Variants in DLG4 observed in about 807,000 individuals in gnomAD.
DLG4 encodes the protein disks large homolog 4.
Under a neutral mutation model 93.8 loss-of-function variants are expected in DLG4, and 7 were observed. That is an observed-to-expected ratio of 0.07 (90% CI 0.04 to 0.14). DLG4 has a LOEUF of 0.14. DLG4 is among the 10% of genes least tolerant of loss of function. The pLI is 1.00. For synonymous variants in DLG4, 341 were observed against 387.6 expected (o/e 0.88, Z 1.41); for missense variants, 545 against 992.9 (o/e 0.55, Z 6.06).
At chr17:7,207,525 G>T (rs1014497797) in intron 2 of DLG4, among the ~76,000 whole-genome samples, 1 of 152,054 alleles carries the variant, frequency 6.6e-6, no homozygotes, top group Admixed American at 6.5e-5. Flanking sequence ...GCCCAGAGGC[G>T]GAGGTAGGGG....
At position 7,191,858 on chromosome 17, in the gene DLG4, G is replaced by A; in HGVS notation, c.1976+35C>T. ...TGAGGCCCAGGGCCACAGGTGTTGG[G>A]GGAGCAAAGGGGAGGCCCCCAGGAC... On this transcript the variant is annotated intron_variant, in intron 18 of 19. Coordinates refer to ENST00000399506, the MANE Select transcript of DLG4 (RefSeq NM_001321075.3). This position sits in a 1 kb window ranked among gnomAD's most constrained non-coding sequence, Gnocchi z 6.6. 7.2e-7 allele frequency: 1 copy of A among 1,379,770 alleles called. No individual in the cohort carries two copies. The highest frequency in any genetic ancestry group is 9.6e-7 in the Non-Finnish European group (1 of 1,038,630). 85.5% of individuals were successfully genotyped at this position (1,379,770 alleles called of 1,614,324 possible).
intron 1 of DLG4, 42 bp downstream of exon 1, chr17:7,217,076 T>G: frequency 7.9e-7 from 1 of 1,267,446 alleles, no homozygotes; most frequent in South Asian, 3.5e-5. Flanking sequence ...CCCCACAAAC[T>G]CATACCCTCC....
At chr17:7,199,229 C>T (rs1427860344) in intron 8 of DLG4, among the ~76,000 whole-genome samples, 1 of 151,662 alleles carries the variant, frequency 6.6e-6, no homozygotes, top group Non-Finnish European at 1.5e-5. Flanking sequence ...GATGGAGTTT[C>T]ACTCTTGTCG....
rs765504973 is a variant in DLG4, at chr17:7,194,024, G to C, written c.1479-24C>G. The C allele has an allele frequency of 6.2e-7, 1 of 1,612,048 alleles. No homozygotes were observed. Among genetic ancestry groups the C allele is most frequent in the Non-Finnish European group, 8.5e-7 (1 of 1,179,192 alleles). On this transcript the variant is annotated intron_variant, in intron 12 of 19. Transcript: ENST00000399506. This position sits in a 1 kb window ranked among gnomAD's most constrained non-coding sequence, Gnocchi z 4.4. ...CCCTGTGGGATACATGGAGGGATAC[G>C]CGGGTAGGGGAATGCCTACCCCCTG...
At chr17:7,209,848 C>G (rs889439672) in intron 1 of DLG4, among the ~76,000 whole-genome samples, 1 of 152,162 alleles carries the variant, frequency 6.6e-6, no homozygotes, top group Non-Finnish European at 1.5e-5. Context: ...CAGAGACCAG[C>G]CTGGCCAACA....
At chr17:7,190,961 C>CAA in intron 19 of DLG4, 147 bp from the exon 20 acceptor site, 1 of 540,596 alleles carries the variant, frequency 1.8e-6, no homozygotes, top group Non-Finnish European at 3.1e-6. Flanking sequence ...ACAGGGGCAC[C>CAA]TCTTTTTTTT....
At chr17:7,218,515 G>C, upstream of DLG4, 3 of 1,548,916 alleles carry the variant, frequency 1.9e-6, no homozygotes, top group Non-Finnish European at 2.6e-6. Context: ...TGGAGGCCCA[G>C]GTCCCTCAGA....
rs1441206929 is a variant in DLG4, at chr17:7,187,840, G to A, written c.*2868C>T. 6.6e-5 allele frequency among the ~76,000 whole-genome samples: 10 copies of A among 152,046 alleles called. No individual in the cohort carries two copies. The highest frequency in any genetic ancestry group is 8.8e-5 in the Non-Finnish European group (6 of 68,002). On this transcript the variant is annotated 3_prime_UTR_variant, in exon 20 of 20. Coordinates refer to ENST00000399506, the MANE Select transcript of DLG4 (RefSeq NM_001321075.3). ...TCCCAGCACTTTGGGAGGCCAAGGCGGGCAGATCACCTGAGGTCAAGAGTT... is the reference window on the plus strand; with the variant it reads ...TCCCAGCACTTTGGGAGGCCAAGGCAGGCAGATCACCTGAGGTCAAGAGTT...
intron 2 of DLG4, chr17:7,204,892 A>T (rs2070376221): frequency 1.0e-6 from 1 of 954,506 alleles, no homozygotes; most frequent in Non-Finnish European, 1.2e-6. Context: ...TCCTCTAAGG[A>T]CCGTGTTGCC....
chr17:7,199,366 A>G (rs1379153983), intron 8 of DLG4, among the ~76,000 whole-genome samples: 5 of 151,796 alleles, frequency 3.3e-5, no homozygotes, highest in African/African-American at 1.2e-4. Flanking sequence ...CGCCTGGCTA[A>G]TTTTTTGTAT....
Position 7,191,219 on chromosome 17 carries a change from C to T in DLG4, c.2068+48G>A, listed in dbSNP as rs751812938. The T allele has an allele frequency of 1.1e-5, 18 of 1,585,228 alleles. No individual in the cohort carries two copies. The highest frequency in any genetic ancestry group is 8.9e-5 in the East Asian group (4 of 44,714). On this transcript the variant is annotated intron_variant, in intron 19 of 19. Coordinates refer to ENST00000399506, the MANE Select transcript of DLG4 (RefSeq NM_001321075.3). This position sits in a 1 kb window ranked among gnomAD's most constrained non-coding sequence, Gnocchi z 6.6. ...GGTGGCGGGGGAGCTCTTTCTAATC[C>T]GAGCAAGGGCACCCTACATGCTGGC...
chr17:7,194,570 G>A lies in DLG4; in HGVS notation c.1302-75C>T, dbSNP rs1484876182. Reference sequence around the variant, plus strand: ...GGATGCCCCAGTCACCCAAAGACCCGGCCCAGAGGTCTGCAGATGGCACTC... The same window carrying A: ...GGATGCCCCAGTCACCCAAAGACCCAGCCCAGAGGTCTGCAGATGGCACTC... On this transcript the variant is annotated intron_variant, in intron 11 of 19. Coordinates refer to ENST00000399506, the MANE Select transcript of DLG4 (RefSeq NM_001321075.3). The surrounding 1 kb of genome is among the most constrained non-coding windows in gnomAD (Gnocchi z 4.4). 4.0e-6 allele frequency: 6 copies of A among 1,490,590 alleles called. No homozygotes were observed. In the East Asian group the frequency reaches 7.4e-5, roughly 18 times the overall value. The allele number at this position is 1,490,590 out of a possible 1,614,324, so 92.3% of individuals were successfully genotyped here. A position where few individuals can be genotyped will look rare whatever the true frequency, so the allele number is the denominator to read the frequency against.
intron 19 of DLG4, 42 bp from the exon 20 acceptor site, chr17:7,190,856 C>T: frequency 1.3e-6 from 2 of 1,552,940 alleles, no homozygotes; most frequent in Non-Finnish European, 1.8e-6. Flanking sequence ...AAGGAAGGGC[C>T]AGAGGACACC....
At chr17:7,202,651 G>A in intron 8 of DLG4, 1 of 532,446 alleles carries the variant, frequency 1.9e-6, no homozygotes. Context: ...TATTCCTTGA[G>A]AATTTCACAA....
At chr17:7,213,102 T>C (rs1190438863) in intron 1 of DLG4, among the ~76,000 whole-genome samples, 22 of 143,096 alleles carry the variant, frequency 1.5e-4, no homozygotes, top group African/African-American at 5.4e-4. Flanking sequence ...TTTCTTTTTT[T>C]TTTTTTTTTT....
chr17:7,197,117 C>T, intron 8 of DLG4, 65 bp from the exon 9 acceptor site: 1 of 1,472,478 alleles, frequency 6.8e-7, no homozygotes, highest in South Asian at 1.4e-5. Context: ...CCAACCTTCT[C>T]CCCAGGGTGC....
upstream of DLG4, chr17:7,217,935 G>A: frequency 5.2e-6 from 5 of 964,210 alleles, no homozygotes; most frequent in South Asian, 7.6e-5. Flanking sequence ...GTGTGAGGGA[G>A]GAGCTGAAGG....
Position 7,203,623 on chromosome 17 carries a change from G to T in DLG4, c.336-30C>A, listed in dbSNP as rs1269170299. 1 of 1,609,088 alleles carries T rather than the reference G, an allele frequency of 6.2e-7. No homozygotes were observed. On this transcript the variant is annotated intron_variant, in intron 5 of 19. Transcript: ENST00000399506. The surrounding 1 kb of genome is among the most constrained non-coding windows in gnomAD (Gnocchi z 7.2). The stretch of plus-strand genomic sequence containing the variant: ...GAGCAGCAAGGTGGGCCTGAGCCAA[G>T]AGCTTCCTGCTGCCCTGGCCCTCCC...
chr17:7,217,071 C>G (rs946405930), intron 1 of DLG4, 47 bp downstream of exon 1: 7 of 1,260,730 alleles, frequency 5.6e-6, no homozygotes, highest in Non-Finnish European at 7.0e-6. Flanking sequence ...CCCCTCCCCA[C>G]AAACTCATAC....
Sources: gnomAD v4.1 joint callset for allele counts (sites outside exome capture counted in the v4.1 genomes callset) on GRCh38, gnomAD v4.1.1 for gene constraint, Gnocchi (gnomAD v3.1) non-coding constraint, MANE v1.5 for transcripts, NCBI Gene and HGNC (gene_info 2026-07-23, HGNC 2026-07-21) for gene names.